Variants in PRELID2 observed in about 807,000 individuals in gnomAD.
PRELID2 encodes the protein PRELI domain-containing protein 2.
In PRELID2, 25 loss-of-function variants were observed where a neutral mutation model predicts 28.4. That is an observed-to-expected ratio of 0.88 (90% confidence interval 0.64 to 1.23). The LOEUF (loss-of-function observed/expected upper bound fraction) is 1.23. Ranked by LOEUF, PRELID2 falls within the 50% of genes most tolerant of loss-of-function variation. The pLI is 0.00. For synonymous variants in PRELID2, 76 were observed against 71.6 expected (o/e 1.06, Z -0.31); for missense variants, 201 against 214.4 (o/e 0.94, Z 0.39).
chr5:145,791,199 G>C (rs1224458561), intron 5 of PRELID2, among the ~76,000 whole-genome samples: 1 of 151,986 alleles, frequency 6.6e-6, no homozygotes, highest in Non-Finnish European at 1.5e-5. Flanking sequence ...GCTTGTGCAG[G>C]GGAACTCCCA....
the PRELID2 span, among the ~76,000 whole-genome samples, chr5:145,370,636 T>C: frequency 3.3e-5 from 5 of 152,234 alleles, no homozygotes; most frequent in Non-Finnish European, 7.4e-5. Flanking sequence ...AAATTTAAAG[T>C]AGTTTTTCTA....
the PRELID2 span, among the ~76,000 whole-genome samples, chr5:145,294,817 A>G: frequency 5.9e-5 from 9 of 152,174 alleles, no homozygotes; most frequent in Non-Finnish European, 1.2e-4. Flanking sequence ...CTCATAACTT[A>G]TAAGTGAATC....
the PRELID2 span, among the ~76,000 whole-genome samples, chr5:145,432,829 A>G: frequency 1.3e-5 from 2 of 152,068 alleles, no homozygotes; most frequent in East Asian, 3.9e-4. Context: ...GCCCTATATA[A>G]ATCTCTGAAC....
At position 145,817,895 on chromosome 5, in the gene PRELID2, A is replaced by T; in HGVS notation, c.367T>A (p.Trp123Arg). Residue 123 changes from tryptophan to arginine, a missense_variant and splice_region_variant, in exon 4 of 7, where the codon TGG becomes AGG. Physicochemically the swap from Trp to Arg is moderately radical, Grantham distance 101. Transcript: ENST00000683046. The part of the protein sequence containing the change: ...VFRESMENPN[W>R]TEFIQRGRIS... ...CACACATATACACACGAGTCTTACC[A>T]ATTTGGGTTTTCCATACTTTCCCGG... The T allele has an allele frequency of 1.3e-6, 2 of 1,545,276 alleles. No homozygotes were observed. Among genetic ancestry groups the T allele is most frequent in the Admixed American group, 2.0e-5 (1 of 49,364 alleles).
downstream of PRELID2, among the ~76,000 whole-genome samples, chr5:145,753,608 T>C (rs1208342191): frequency 6.6e-6 from 1 of 152,144 alleles, no homozygotes; most frequent in Non-Finnish European, 1.5e-5. Context: ...GAGAACATCA[T>C]GACTTCTGGC....
At chr5:145,417,330 C>T in the PRELID2 span, among the ~76,000 whole-genome samples, 1 of 152,164 alleles carries the variant, frequency 6.6e-6, no homozygotes, top group Admixed American at 6.6e-5. Context: ...CAAAGAAGAG[C>T]TGTTGCCATT....
At chr5:145,551,440 A>ATAAATAAATAAG (rs59930604) in intron 1 of PRELID2, among the ~76,000 whole-genome samples, 105 of 150,694 alleles carry the variant, frequency 7.0e-4, no homozygotes, top group African/African-American at 2.5e-3. Context: ...AAATAAATAA[A>ATAAATAAATAAG]CCTGCTTAAC....
the PRELID2 span, among the ~76,000 whole-genome samples, chr5:145,249,123 T>C: frequency 6.6e-6 from 1 of 152,168 alleles, no homozygotes; most frequent in Non-Finnish European, 1.5e-5. Context: ...TTAAACAAAT[T>C]ACAAAGCCAC....
intron 1 of PRELID2, among the ~76,000 whole-genome samples, chr5:145,474,108 C>G (rs886314949): frequency 1.3e-5 from 2 of 152,162 alleles, no homozygotes; most frequent in Non-Finnish European, 1.5e-5. Context: ...CAGAGTGTTA[C>G]GCCCACATGG....
At chr5:145,391,739 C>T in the PRELID2 span, among the ~76,000 whole-genome samples, 1 of 149,710 alleles carries the variant, frequency 6.7e-6, no homozygotes, top group Non-Finnish European at 1.5e-5. Context: ...AACCTTTATG[C>T]TCTGCTTCTT....
chr5:145,380,195 G>A, the PRELID2 span, among the ~76,000 whole-genome samples: 1 of 152,194 alleles, frequency 6.6e-6, no homozygotes, highest in East Asian at 1.9e-4. Flanking sequence ...GAGGCCCATG[G>A]CAACAGTGGG....
At chr5:145,264,969 T>TAAAAAAAAAAAAAA in the PRELID2 span, among the ~76,000 whole-genome samples, 1 of 56,880 alleles carries the variant, frequency 1.8e-5, no homozygotes, top group Non-Finnish European at 3.7e-5. Flanking sequence ...AGTGCAACTC[T>TAAAAAAAAAAAAAA]AAAAAAAAAA....
At chr5:145,734,117 T>A (rs1238067109) in intron 1 of PRELID2, among the ~76,000 whole-genome samples, 1 of 152,104 alleles carries the variant, frequency 6.6e-6, no homozygotes. Context: ...ACATCTTGAT[T>A]TTTTTAAATA....
the PRELID2 span, among the ~76,000 whole-genome samples, chr5:145,456,403 C>G: frequency 6.6e-6 from 1 of 152,162 alleles, no homozygotes; most frequent in Non-Finnish European, 1.5e-5. Context: ...GGTTTTCACA[C>G]TTTAGAGCCT....
intron 5 of PRELID2, among the ~76,000 whole-genome samples, chr5:145,788,780 C>A (rs1178485268): frequency 6.6e-6 from 1 of 151,780 alleles, no homozygotes; most frequent in African/African-American, 2.4e-5. Flanking sequence ...AAGACTCCAC[C>A]AAAAAATGGA....
intron 1 of PRELID2, among the ~76,000 whole-genome samples, chr5:145,620,472 T>C (rs1020545981): frequency 3.9e-5 from 6 of 152,050 alleles, no homozygotes; most frequent in African/African-American, 1.4e-4. Flanking sequence ...ATATTGAAAA[T>C]GGGGGATGCT....
rs1214706544 is a variant in PRELID2 at position 145,820,037 on chromosome 5, T to C, written c.134-19A>G. The C allele has an allele frequency of 7.1e-7, 1 of 1,418,336 alleles. No homozygotes were observed. The highest frequency in any genetic ancestry group is 9.8e-7 in the Non-Finnish European group (1 of 1,019,528). The allele number at this position is 1,418,336 out of a possible 1,614,324, so 87.9% of individuals were successfully genotyped here. A position where few individuals can be genotyped will look rare whatever the true frequency, so the allele number is the denominator to read the frequency against. ...GATTCATCTAAAAAAGAAATTTTTT[T>C]ACACAAAAAAAAATTAAAGAAATGT... On this transcript the variant is annotated intron_variant, in intron 2 of 6. Transcript: ENST00000683046.
intron 1 of PRELID2, among the ~76,000 whole-genome samples, chr5:145,715,685 A>G (rs1021493708): frequency 3.3e-5 from 5 of 152,072 alleles, no homozygotes; most frequent in African/African-American, 1.2e-4. Flanking sequence ...CTTCACACCC[A>G]CCACACTGGC....
intron 1 of PRELID2, among the ~76,000 whole-genome samples, chr5:145,576,989 TG>T (rs1266896674): frequency 6.6e-6 from 1 of 152,144 alleles, no homozygotes; most frequent in East Asian, 1.9e-4. Flanking sequence ...GCATTATGCT[TG>T]TTGCAGCGTT....
Sources: gnomAD v4.1 joint callset for allele counts (sites outside exome capture counted in the v4.1 genomes callset) on GRCh38, gnomAD v4.1.1 for gene constraint, MANE v1.5 for transcripts, NCBI Gene and HGNC (gene_info 2026-07-23, HGNC 2026-07-21) for gene names.